The following IMMP2L variants were observed in gnomAD, a reference collection of about 807,000 sequenced individuals.
The protein encoded by IMMP2L is inner mitochondrial membrane peptidase subunit 2.
Under a neutral mutation model 19.3 loss-of-function variants are expected in IMMP2L, and 18 were observed. The observed-to-expected ratio is 0.93, with a 90% CI of 0.64 to 1.38. IMMP2L has a LOEUF of 1.38. Among genes scored for constraint, IMMP2L ranks in the 40% most tolerant of loss-of-function variants. IMMP2L has a pLI of 0.00. For synonymous variants in IMMP2L, 76 were observed against 73.0 expected (o/e 1.04, Z -0.21); for missense variants, 233 against 218.2 (o/e 1.07, Z -0.43).
At chr7:110,887,686 C>T (rs1416075981) in intron 4 of IMMP2L, among the ~76,000 whole-genome samples, 4 of 148,876 alleles carry the variant, frequency 2.7e-5, no homozygotes, top group Non-Finnish European at 4.5e-5. Flanking sequence ...GACAGGCTTA[C>T]AATAAAATAT....
At chr7:111,283,405 A>G (rs1820118449) in intron 3 of IMMP2L, among the ~76,000 whole-genome samples, 1 of 152,182 alleles carries the variant, frequency 6.6e-6, no homozygotes, top group Admixed American at 6.5e-5. Flanking sequence ...GTCTTGAAAG[A>G]TGAATATGAA....
chr7:110,791,820 G>T (rs1800476475), intron 5 of IMMP2L, among the ~76,000 whole-genome samples: 2 of 151,832 alleles, frequency 1.3e-5, no homozygotes, highest in South Asian at 4.1e-4. Flanking sequence ...CCAGAAGGAT[G>T]ATCTGAGCAC....
intron 3 of IMMP2L, among the ~76,000 whole-genome samples, chr7:111,027,517 A>C (rs145907648): frequency 5.7e-4 from 86 of 152,096 alleles, no homozygotes; most frequent in African/African-American, 1.8e-3. Flanking sequence ...TTTTATGTGA[A>C]TGAAACTGCA....
At chr7:110,965,874 T>C (rs1407694623) in intron 3 of IMMP2L, among the ~76,000 whole-genome samples, 1 of 152,064 alleles carries the variant, frequency 6.6e-6, no homozygotes, top group African/African-American at 2.4e-5. Flanking sequence ...TCATGTAACA[T>C]GCCTTTCTAT....
In IMMP2L at chr7:110,760,681, C is replaced by A. The variant is rs1052699835; in HGVS notation, c.409-96960G>T. On this transcript the variant is annotated intron_variant, in intron 5 of 5. Coordinates refer to ENST00000405709, the MANE Select transcript of IMMP2L (RefSeq NM_032549.4). This position sits in a 1 kb window ranked among gnomAD's most constrained non-coding sequence, Gnocchi z 4.2. Reference sequence around the variant, plus strand: ...AGAATTGAATCTTTTTTGGTCTGTGCTTTCTTTTTGTTCTACAATATATTT... The same window carrying A: ...AGAATTGAATCTTTTTTGGTCTGTGATTTCTTTTTGTTCTACAATATATTT... Among the ~76,000 whole-genome samples the A allele has an allele frequency of 3.9e-5, 6 of 152,078 alleles. No homozygotes were observed. The highest frequency in any genetic ancestry group is 1.2e-4 in the African/African-American group (5 of 41,444).
chr7:110,838,721 T>G (rs1297306976), intron 5 of IMMP2L, among the ~76,000 whole-genome samples: 1 of 152,112 alleles, frequency 6.6e-6, no homozygotes, highest in Non-Finnish European at 1.5e-5. Flanking sequence ...TTTTAAAAAA[T>G]TAATTACCCA....
At chr7:111,164,777 C>T (rs2129607698) in intron 3 of IMMP2L, among the ~76,000 whole-genome samples, 1 of 152,034 alleles carries the variant, frequency 6.6e-6, no homozygotes, top group South Asian at 2.1e-4. Flanking sequence ...AAACAAAGAT[C>T]TTGGAAGGGA....
At chr7:111,009,838 A>G (rs1824739956) in intron 3 of IMMP2L, among the ~76,000 whole-genome samples, 1 of 152,160 alleles carries the variant, frequency 6.6e-6, no homozygotes, top group Non-Finnish European at 1.5e-5. Context: ...TGGTTTTGAG[A>G]ACAGAACAAA....
chr7:111,472,958 GA>G (rs887909524), intron 3 of IMMP2L, among the ~76,000 whole-genome samples: 12 of 151,088 alleles, frequency 7.9e-5, no homozygotes, highest in Non-Finnish European at 1.8e-4. Flanking sequence ...AAAGAAAAAA[GA>G]AAAAAAATGC....
chr7:111,391,896 G>A (rs1832388636), intron 3 of IMMP2L: 2 of 702,628 alleles, frequency 2.8e-6, no homozygotes, highest in Non-Finnish European at 5.2e-6. Flanking sequence ...TCTAAAGGAT[G>A]ACATTGAGCA....
At chr7:110,951,561 GTA>G (rs756514186) in intron 4 of IMMP2L, among the ~76,000 whole-genome samples, 35 of 141,710 alleles carry the variant, frequency 2.5e-4, no homozygotes, top group Admixed American at 5.0e-4. Flanking sequence ...GTGTGTGTGT[GTA>G]TGTGTGTGTG....
intron 5 of IMMP2L, among the ~76,000 whole-genome samples, chr7:110,762,263 G>T (rs1018635015): frequency 3.3e-5 from 5 of 151,284 alleles, no homozygotes; most frequent in Non-Finnish European, 7.4e-5. Context: ...TTCCCCATCG[G>T]CAAGGTGCTT....
At chr7:111,473,567 C>T (rs766995988) in intron 3 of IMMP2L, among the ~76,000 whole-genome samples, 4 of 152,186 alleles carry the variant, frequency 2.6e-5, no homozygotes, top group Non-Finnish European at 5.9e-5. Context: ...AGAATCACTG[C>T]TCCTTCAATA....
chr7:111,242,997 A>AT (rs1279252161), intron 3 of IMMP2L, among the ~76,000 whole-genome samples: 47 of 151,998 alleles, frequency 3.1e-4, no homozygotes, highest in Non-Finnish European at 5.9e-5. Flanking sequence ...ATCTTAAAAT[A>AT]TTTTTTTCTG....
At chr7:111,015,343 TC>T (rs937412821) in intron 3 of IMMP2L, among the ~76,000 whole-genome samples, 2 of 152,072 alleles carry the variant, frequency 1.3e-5, no homozygotes, top group African/African-American at 4.8e-5. Context: ...AAATGAGGTA[TC>T]TAAACTAGTT....
chr7:111,451,626 G>T (rs1195390262), intron 3 of IMMP2L, among the ~76,000 whole-genome samples: 4 of 149,368 alleles, frequency 2.7e-5, no homozygotes, highest in Non-Finnish European at 5.9e-5. Flanking sequence ...GACGAGTTAG[G>T]GGGTGCAGCG....
At chr7:110,794,586 TG>T (rs1289775496) in intron 5 of IMMP2L, among the ~76,000 whole-genome samples, 1 of 152,072 alleles carries the variant, frequency 6.6e-6, no homozygotes, top group Non-Finnish European at 1.5e-5. Context: ...ATATTAAGCT[TG>T]GAAAAAACCA....
intron 3 of IMMP2L, among the ~76,000 whole-genome samples, chr7:111,070,706 A>G (rs992634981): frequency 2.0e-5 from 3 of 152,182 alleles, no homozygotes; most frequent in African/African-American, 7.2e-5. Context: ...CATAGTGGCC[A>G]TATTTGGACA....
intron 5 of IMMP2L, among the ~76,000 whole-genome samples, chr7:110,786,086 T>C (rs1187936691): frequency 1.3e-5 from 2 of 151,978 alleles, no homozygotes; most frequent in Non-Finnish European, 2.9e-5. Context: ...TTTCTGTATA[T>C]TAACAATAAA....
Sources: gnomAD v4.1 joint callset for allele counts (sites outside exome capture counted in the v4.1 genomes callset) on GRCh38, gnomAD v4.1.1 for gene constraint, Gnocchi (gnomAD v3.1) non-coding constraint, MANE v1.5 for transcripts, NCBI Gene and HGNC (gene_info 2026-07-23, HGNC 2026-07-21) for gene names.